The following FAAH variants were observed in gnomAD, a reference collection of about 807,000 sequenced individuals.
FAAH encodes fatty acid amide hydrolase.
A neutral mutation model predicts 69.7 loss-of-function variants in FAAH; 63 were observed. The observed-to-expected ratio is 0.90, with a 90% CI of 0.74 to 1.12. The LOEUF is 1.12. Among genes scored for constraint, FAAH ranks in the 50% most tolerant of loss-of-function variants. The pLI, the probability that FAAH is intolerant of heterozygous loss-of-function variation, is 0.00. For missense variants in FAAH, 680 were observed against 755.0 expected, an observed-to-expected ratio of 0.90 and a Z score of 1.16; for synonymous variants, 305 against 324.2, an observed-to-expected ratio of 0.94 and a Z score of 0.64.
Position 46,405,974 on chromosome 1 carries a change from G to A in FAAH, c.786-64G>A. ...AGCGGTGAGTGTTCAGAGCTGCTCT[G>A]TGGGTGTGGGGATGGCGGCGGGTGG... On this transcript the variant is annotated intron_variant, in intron 5 of 14. Coordinates refer to ENST00000243167, the MANE Select transcript of FAAH (RefSeq NM_001441.3). The surrounding 1 kb of genome is among the most constrained non-coding windows in gnomAD (Gnocchi z 4.1). The A allele has an allele frequency of 1.2e-6, 2 of 1,613,712 alleles. No homozygotes were observed. The highest frequency in any genetic ancestry group is 8.5e-7 in the Non-Finnish European group (1 of 1,179,922).
chr1:46,408,644 G>A, intron 8 of FAAH, 60 bp downstream of exon 8: 1 of 1,611,918 alleles, frequency 6.2e-7, no homozygotes, highest in Non-Finnish European at 8.5e-7. Flanking sequence ...AGCCTTCCTG[G>A]TACCCATGGC....
chr1:46,412,333 C>G, intron 13 of FAAH, 82 bp downstream of exon 13: 1 of 1,201,758 alleles, frequency 8.3e-7, no homozygotes, highest in East Asian at 2.5e-5. Flanking sequence ...AAGAAGAGCC[C>G]TCTGGGAGGA....
intron 13 of FAAH, 129 bp downstream of exon 13, chr1:46,412,380 A>C: frequency 1.3e-6 from 1 of 760,026 alleles, no homozygotes. Flanking sequence ...GGCTGACTGG[A>C]GACATGGCAG....
chr1:46,399,933 AGGGGT>A (rs1664666635), intron 1 of FAAH, among the ~76,000 whole-genome samples: 1 of 152,162 alleles, frequency 6.6e-6, no homozygotes, highest in African/African-American at 2.4e-5. Flanking sequence ...AAGGAGAACC[AGGGGT>A]GGAGGGAATG....
intron 13 of FAAH, 23 bp from the exon 14 acceptor site, chr1:46,413,052 C>T: frequency 1.9e-6 from 3 of 1,613,870 alleles, no homozygotes; most frequent in Non-Finnish European, 2.5e-6. Flanking sequence ...GGGCCTGCTG[C>T]AGCTGCCTGT....
At chr1:46,397,855 G>T (rs975651941) in intron 1 of FAAH, among the ~76,000 whole-genome samples, 7 of 151,458 alleles carry the variant, frequency 4.6e-5, no homozygotes, top group African/African-American at 7.3e-5. Context: ...GAGCCACCGC[G>T]CCTGGCCAAT....
intron 7 of FAAH, among the ~76,000 whole-genome samples, chr1:46,407,877 T>A (rs891764428): frequency 6.6e-6 from 1 of 152,196 alleles, no homozygotes; most frequent in African/African-American, 2.4e-5. Flanking sequence ...CAGCCAAGGT[T>A]GCCTTGGAAA....
chr1:46,407,270 TTGAAGTC>T (rs1213165897), intron 7 of FAAH, among the ~76,000 whole-genome samples: 2 of 152,028 alleles, frequency 1.3e-5, no homozygotes. Context: ...TGCTGAGATT[TTGAAGTC>T]TGGTTTAAGG....
rs983209461 is a variant in FAAH, at chr1:46,405,401, G to GA, written c.476dup (p.Asn159LysfsTer2). The GA allele has an allele frequency of 5.0e-6, 8 of 1,612,492 alleles. No individual in the cohort carries two copies. The highest frequency in any genetic ancestry group is 6.8e-6 in the Non-Finnish European group (8 of 1,180,038). On this transcript the variant is annotated frameshift_variant, in exon 4 of 15. Transcript: ENST00000243167. LOFTEE classifies it high-confidence loss of function. This position sits in a 1 kb window ranked among gnomAD's most constrained non-coding sequence, Gnocchi z 4.1. ...AGGACTCCACGCTGGGCTTGAGCCTGAATGAAGGGGTGCCGGCGGAGTGCG... is the reference window on the plus strand; with the variant it reads ...AGGACTCCACGCTGGGCTTGAGCCTGAAATGAAGGGGTGCCGGCGGAGTGCG...
In FAAH at chr1:46,404,931, C is replaced by T; in HGVS notation, c.310-83C>T. 6.3e-7 allele frequency: 1 copy of T among 1,592,174 alleles called. No homozygotes were observed. The highest frequency in any genetic ancestry group is 8.6e-7 in the Non-Finnish European group (1 of 1,163,874). The stretch of plus-strand genomic sequence containing the variant: ...TCTCCCTGGGTATACTTTAAAAGGC[C>T]AGTTCTACATGATGTATATTTCACC... On this transcript the variant is annotated intron_variant, in intron 2 of 14. Transcript: ENST00000243167. This position sits in a 1 kb window ranked among gnomAD's most constrained non-coding sequence, Gnocchi z 4.5.
intron 7 of FAAH, 40 bp downstream of exon 7, chr1:46,406,408 C>A (rs756085484): frequency 6.2e-7 from 1 of 1,612,996 alleles, no homozygotes; most frequent in East Asian, 2.2e-5. Flanking sequence ...GACCGCTGAA[C>A]CCAGACAGCC....
intron 1 of FAAH, among the ~76,000 whole-genome samples, chr1:46,398,878 C>G (rs994923665): frequency 6.6e-6 from 1 of 152,200 alleles, no homozygotes; most frequent in Admixed American, 6.5e-5. Flanking sequence ...GAAGGGGTAC[C>G]TAAACACCTT....
Position 46,410,703 on chromosome 1 carries a change from G to C in FAAH, c.1276-111G>C. ...GCATGCTGAAAGGGGTGCCGACCTG[G>C]GCCCTGGGGGGAGGCATGGAGGGAG... On this transcript the variant is annotated intron_variant, in intron 10 of 14. Coordinates refer to ENST00000243167, the MANE Select transcript of FAAH (RefSeq NM_001441.3). The surrounding 1 kb of genome is among the most constrained non-coding windows in gnomAD (Gnocchi z 4.9). 1 of 1,383,556 alleles carries C rather than the reference G, an allele frequency of 7.2e-7. No homozygotes were observed. Among genetic ancestry groups the C allele is most frequent in the Non-Finnish European group, 1.0e-6 (1 of 970,340 alleles). 85.7% of individuals were successfully genotyped at this position (1,383,556 alleles called of 1,614,324 possible).
At chr1:46,400,227 G>A (rs952198346) in intron 1 of FAAH, among the ~76,000 whole-genome samples, 3 of 152,108 alleles carry the variant, frequency 2.0e-5, no homozygotes, top group Non-Finnish European at 2.9e-5. Context: ...GGGGAGAGGT[G>A]CACATGAGTC....
chr1:46,402,694 ATTT>A (rs778164719), intron 2 of FAAH, among the ~76,000 whole-genome samples: 2 of 134,158 alleles, frequency 1.5e-5, no homozygotes. Flanking sequence ...AAGAAAAAAA[ATTT>A]TTTTTTTTTT....
intron 1 of FAAH, among the ~76,000 whole-genome samples, chr1:46,399,574 T>C (rs976669438): frequency 2.0e-5 from 3 of 152,202 alleles, no homozygotes; most frequent in Non-Finnish European, 4.4e-5. Context: ...GTGGGCGCCT[T>C]GTAGCGAGGT....
At position 46,413,701 on chromosome 1, in the gene FAAH, C is replaced by T; in HGVS notation, c.*126C>T. ...GGCAGAGGCTTCCGTGTCCTCTCCC[C>T]CAACCCCCTGCAAGAAGCGCCGACT... On this transcript the variant is annotated 3_prime_UTR_variant, in exon 15 of 15. Coordinates refer to ENST00000243167, the MANE Select transcript of FAAH (RefSeq NM_001441.3). 1.4e-6 allele frequency: 2 copies of T among 1,416,928 alleles called. No homozygotes were observed. The highest frequency in any genetic ancestry group is 1.9e-5 in the Admixed American group (1 of 54,024). 87.8% of individuals were successfully genotyped at this position (1,416,928 alleles called of 1,614,324 possible).
At position 46,405,606 on chromosome 1, in the gene FAAH, CCT is replaced by C. The variant is rs1557759068; in HGVS notation, c.600_601del (p.Phe201TrpfsTer20). On this transcript the variant is annotated frameshift_variant, in exon 5 of 15. Coordinates refer to ENST00000243167, the MANE Select transcript of FAAH (RefSeq NM_001441.3). LOFTEE classifies it high-confidence loss of function. This position sits in a 1 kb window ranked among gnomAD's most constrained non-coding sequence, Gnocchi z 4.1. ...CCTCCAGCTATGACTGCAGTAACCC[CCT>C]CTTTGGCCAGACCGTGAACCCATGG... ...SMFSYDCSNP[L>X]FGQTVNPWKS... 2 of 1,613,400 alleles carry C rather than the reference CCT, an allele frequency of 1.2e-6. No individual in the cohort carries two copies. The highest frequency in any genetic ancestry group is 1.3e-5 in the African/African-American group (1 of 74,944).
chr1:46,413,319 T>C, intron 14 of FAAH, 99 bp downstream of exon 14: 1 of 1,610,552 alleles, frequency 6.2e-7, no homozygotes, highest in East Asian at 2.2e-5. Context: ...CCAGCCTTTC[T>C]TAAGCAAGAC....
Sources: allele counts gnomAD v4.1 joint callset (sites outside exome capture counted in the v4.1 genomes callset), GRCh38; gene constraint gnomAD v4.1.1; non-coding constraint Gnocchi (gnomAD v3.1); transcripts MANE v1.5; gene names NCBI Gene and HGNC (gene_info 2026-07-23, HGNC 2026-07-21).